The following FSHR variants were observed in gnomAD, a reference collection of about 807,000 sequenced individuals.
The protein encoded by FSHR is follicle stimulating hormone receptor.
A neutral mutation model predicts 52.1 loss-of-function variants in FSHR; 46 were observed. The ratio of observed to expected loss-of-function variants is 0.88; its 90% confidence interval spans 0.70 to 1.13. The LOEUF (loss-of-function observed/expected upper bound fraction) is 1.13. Ranked by LOEUF, FSHR falls within the 50% of genes most tolerant of loss-of-function variation. The probability of loss-of-function intolerance (pLI) is 0.00; values close to 1 mark genes in which losing one functional copy is unlikely to be tolerated. For missense variants in FSHR, 964 were observed against 834.6 expected (o/e 1.16, Z -1.91); for synonymous variants, 399 against 309.6 (o/e 1.29, Z -3.03).
At chr2:49,153,527 T>C (rs1572636312) in intron 1 of FSHR, among the ~76,000 whole-genome samples, 1 of 152,278 alleles carries the variant, frequency 6.6e-6, no homozygotes, top group Non-Finnish European at 1.5e-5. Flanking sequence ...GAAAATCCTC[T>C]TTACTCTTCA....
intron 4 of FSHR, among the ~76,000 whole-genome samples, chr2:48,995,712 C>T (rs937517746): frequency 6.6e-6 from 1 of 152,098 alleles, no homozygotes; most frequent in African/African-American, 2.4e-5. Context: ...CTCAGGAATT[C>T]ACAGAAGTAA....
chr2:49,111,632 C>A (rs532126349), intron 1 of FSHR, among the ~76,000 whole-genome samples: 1 of 152,040 alleles, frequency 6.6e-6, no homozygotes, highest in African/African-American at 2.4e-5. Flanking sequence ...GCCTGGACGG[C>A]GGGTTTATTG....
chr2:49,090,143 GTGTGTGTGTGCA>G (rs1670549965), intron 1 of FSHR, among the ~76,000 whole-genome samples: 2 of 151,536 alleles, frequency 1.3e-5, no homozygotes, highest in African/African-American at 2.4e-5. Context: ...GTGTGTGTGT[GTGTGTGTGTGCA>G]TGTGTGTGTG....
At chr2:49,008,466 G>C (rs1366164835) in intron 4 of FSHR, among the ~76,000 whole-genome samples, 2 of 151,892 alleles carry the variant, frequency 1.3e-5, no homozygotes, top group Non-Finnish European at 2.9e-5. Flanking sequence ...TTGCTATTGT[G>C]AATAATGCCG....
At chr2:49,069,832 C>T (rs1201263920) in intron 1 of FSHR, among the ~76,000 whole-genome samples, 4 of 152,146 alleles carry the variant, frequency 2.6e-5, no homozygotes, top group South Asian at 4.1e-4. Context: ...ATCTTTAACA[C>T]GTCCTTTTAC....
At chr2:49,010,864 C>T (rs1272929734) in intron 4 of FSHR, among the ~76,000 whole-genome samples, 1 of 152,066 alleles carries the variant, frequency 6.6e-6, no homozygotes, top group Non-Finnish European at 1.5e-5. Flanking sequence ...TCTGTGGGAT[C>T]GGTGGTGATA....
rs13006263 is a variant in FSHR, at chr2:49,013,527, A to T, written c.374+3962T>A. Reference sequence around the variant, plus strand: ...ATATATATATATATAAATATATATAAAAATATATATATAAATAAATATATA... The same window carrying T: ...ATATATATATATATAAATATATATATAAATATATATATAAATAAATATATA... On this transcript the variant is annotated intron_variant, in intron 4 of 9. Transcript: ENST00000406846. 8.2e-3 allele frequency among the ~76,000 whole-genome samples: 1,153 copies of T among 140,714 alleles called. 17 individuals are homozygous for T. The highest frequency in any genetic ancestry group is 0.029 in the African/African-American group (1,080 of 37,060). 92.3% of individuals were successfully genotyped at this position (140,714 alleles called of 152,430 possible).
intron 2 of FSHR, among the ~76,000 whole-genome samples, chr2:49,046,572 A>G (rs1254945507): frequency 6.6e-6 from 1 of 152,230 alleles, no homozygotes; most frequent in African/African-American, 2.4e-5. Flanking sequence ...AAATAATCAC[A>G]CAACAAATGG....
intron 2 of FSHR, among the ~76,000 whole-genome samples, chr2:49,064,723 C>T (rs532638998): frequency 1.6e-4 from 25 of 152,152 alleles, no homozygotes; most frequent in East Asian, 1.5e-3. Flanking sequence ...TACTTCAGTA[C>T]GACGTTTCTA....
intron 2 of FSHR, among the ~76,000 whole-genome samples, chr2:49,024,026 A>G (rs574653104): frequency 4.6e-5 from 7 of 152,288 alleles, no homozygotes; most frequent in East Asian, 1.9e-4. Context: ...TGAAATTTCA[A>G]CCTCTTACAG....
chr2:49,009,414 G>A (rs529130484), intron 4 of FSHR, among the ~76,000 whole-genome samples: 24 of 151,878 alleles, frequency 1.6e-4, no homozygotes, highest in African/African-American at 5.1e-4. Flanking sequence ...GTACCATGCC[G>A]TTTTGGTTAC....
At chr2:49,135,343 T>G (rs1672452131) in intron 1 of FSHR, among the ~76,000 whole-genome samples, 1 of 151,892 alleles carries the variant, frequency 6.6e-6, no homozygotes, top group South Asian at 2.1e-4. Flanking sequence ...TATGTCAAAA[T>G]TAACCAGCAC....
chr2:48,999,035 C>T (rs184902527), intron 4 of FSHR, among the ~76,000 whole-genome samples: 11 of 151,978 alleles, frequency 7.2e-5, no homozygotes, highest in African/African-American at 1.9e-4. Flanking sequence ...TGTGTTTGTT[C>T]GCTGATGGGG....
rs1168826778 is a variant in FSHR, at chr2:48,963,118, G to A, written c.1703C>T (p.Thr568Ile). ...CATGGCCATGCGCTTGGCGATCCTG[G>A]TGTCACTAGAGGAGGACACGATGTT... ...NPNIVSSSSD[T>I]RIAKRMAMLI... The change falls in exon 10 of 10, where the codon ACC becomes ATC. Residue 568 changes from threonine (T) to isoleucine (I), a missense_variant. Thr to Ile is a moderately conservative substitution (Grantham distance 89). Coordinates refer to ENST00000406846, the MANE Select transcript of FSHR (RefSeq NM_000145.4). 3.1e-6 allele frequency: 5 copies of A among 1,613,972 alleles called. No individual in the cohort carries two copies. In the African/African-American group the frequency reaches 5.3e-5, roughly 17 times the overall value.
Position 48,963,675 on chromosome 2 carries a change from T to C in FSHR, c.1146A>G (p.Ile382Met). The C allele has an allele frequency of 6.2e-7, 1 of 1,614,168 alleles. No individual in the cohort carries two copies. The highest frequency in any genetic ancestry group is 1.1e-5 in the South Asian group (1 of 91,082). Reference protein sequence around the residue: ...ISILAITGNIIVLVILTTSQY... With the variant: ...ISILAITGNIMVLVILTTSQY... ...GGCTGGTAGTTAGGATCACTAGCACTATGATGTTCCCAGTGATGGCCAGGA... is the reference window on the plus strand; with the variant it reads ...GGCTGGTAGTTAGGATCACTAGCACCATGATGTTCCCAGTGATGGCCAGGA... The change falls in exon 10 of 10, where the codon ATA becomes ATG. Residue 382 changes from isoleucine (I) to methionine (M), a missense_variant. Transcript: ENST00000406846.
chr2:49,068,251 A>G lies in FSHR; in HGVS notation c.192T>C (p.Gly64=). 1.2e-6 allele frequency: 2 copies of G among 1,611,394 alleles called. No individual in the cohort carries two copies. The highest frequency in any genetic ancestry group is 2.2e-5 in the South Asian group (2 of 90,984). ...VLTKLRVIQK[G]AFSGFGDLEK... ...CCAGGTCCCCAAATCCTGAAAATGC[A>G]CCTTTTTGGATGACTCGAAGCTTGG... Residue 64 remains glycine, a synonymous_variant, in exon 2 of 10, where the codon GGT becomes GGC. Transcript: ENST00000406846.
At chr2:49,074,284 C>G (rs1285707504) in intron 1 of FSHR, among the ~76,000 whole-genome samples, 1 of 151,808 alleles carries the variant, frequency 6.6e-6, no homozygotes, top group African/African-American at 2.4e-5. Context: ...TGCCAACTAC[C>G]CATTTGACAG....
At chr2:49,102,053 G>A (rs1671046094) in intron 1 of FSHR, among the ~76,000 whole-genome samples, 1 of 152,140 alleles carries the variant, frequency 6.6e-6, no homozygotes, top group Admixed American at 6.6e-5. Flanking sequence ...GAGTTTTGGA[G>A]GGGACAGATA....
At chr2:49,125,776 C>CTA (rs1671974786) in intron 1 of FSHR, among the ~76,000 whole-genome samples, 1 of 152,204 alleles carries the variant, frequency 6.6e-6, no homozygotes, top group South Asian at 2.1e-4. Context: ...CCAGGACCAG[C>CTA]TATACACTTA....
Sources: gnomAD v4.1 joint callset for allele counts (sites outside exome capture counted in the v4.1 genomes callset) on GRCh38, gnomAD v4.1.1 for gene constraint, MANE v1.5 for transcripts, NCBI Gene and HGNC (gene_info 2026-07-23, HGNC 2026-07-21) for gene names.